Variants in PADI1 observed in about 807,000 individuals in gnomAD.
PADI1 encodes the protein peptidyl arginine deiminase 1.
A neutral mutation model predicts 74.8 loss-of-function variants in PADI1; 65 were observed. The observed-to-expected ratio is 0.87, with a 90% confidence interval of 0.71 to 1.07. The LOEUF (loss-of-function observed/expected upper bound fraction) is 1.07, where lower values mean the gene tolerates loss of function less well. Among genes scored for constraint, PADI1 ranks in the 50% least tolerant of loss-of-function variants. The pLI, the probability that PADI1 is intolerant of heterozygous loss-of-function variation, is 0.00. For synonymous variants in PADI1, 371 were observed against 336.2 expected, an observed-to-expected ratio of 1.10 and a Z score of -1.13; for missense variants, 943 against 854.0, an observed-to-expected ratio of 1.10 and a Z score of -1.30.
rs899783753 is a variant in PADI1 at position 17,243,667 on chromosome 1, C to T, written c.1759-343C>T. Among the ~76,000 whole-genome samples, 18 of 152,318 alleles carry T rather than the reference C, an allele frequency of 1.2e-4. No individual in the cohort carries two copies. The Middle Eastern group carries it at 0.01, about 86-fold the overall frequency. ...TTGTACAAGTTTCTGGCAGATGACA[C>T]GAAAATCTCTTGTTCTAACAAAGTT... is the stretch of plus-strand genomic sequence containing the variant. On this transcript the variant is annotated intron_variant, in intron 15 of 15. Transcript: ENST00000375471.
chr1:17,226,264 C>T (rs577470985), intron 6 of PADI1, 106 bp downstream of exon 6: 2 of 1,281,484 alleles, frequency 1.6e-6, no homozygotes, highest in East Asian at 2.3e-5. Flanking sequence ...ACTCTCATTA[C>T]AGCTTACAAA....
At chr1:17,223,141 G>A (rs1162252520) in intron 2 of PADI1, among the ~76,000 whole-genome samples, 1 of 152,150 alleles carries the variant, frequency 6.6e-6, no homozygotes, top group Non-Finnish European at 1.5e-5. Context: ...GCCATCCCAG[G>A]GGCTCACTGG....
chr1:17,238,003 C>T (rs1457196543), intron 12 of PADI1, among the ~76,000 whole-genome samples: 1 of 152,196 alleles, frequency 6.6e-6, no homozygotes, highest in African/African-American at 2.4e-5. Context: ...AGGGACAGCT[C>T]TGACAGTGAA....
chr1:17,216,001 C>T (rs1012125714), intron 1 of PADI1, among the ~76,000 whole-genome samples: 1 of 152,124 alleles, frequency 6.6e-6, no homozygotes, highest in Admixed American at 6.5e-5. Context: ...AGAAAGGCCT[C>T]GTATGCTACC....
intron 6 of PADI1, among the ~76,000 whole-genome samples, chr1:17,226,491 C>T (rs1203853397): frequency 1.3e-5 from 2 of 152,186 alleles, no homozygotes; most frequent in Admixed American, 6.5e-5. Context: ...GGTCAATCAG[C>T]GTGGACTGAA....
In PADI1 at chr1:17,232,970, A is replaced by G. The variant is rs777275850; in HGVS notation, c.1313A>G (p.Lys438Arg). The G allele has an allele frequency of 6.9e-6, 11 of 1,601,976 alleles. No individual in the cohort carries two copies. The South Asian group carries it at 1.0e-4, about 15-fold the overall frequency. ...ATCCTCATCGGGAGCAGCTTCCCCA[A>G]GTGAGGGGCTGGGGCGGGAGGTGGG... ...GRILIGSSFP[K>R]SGGRQMARAV... is the part of the protein sequence containing the mutation. The change falls in exon 11 of 16, where the codon AAG becomes AGG. Residue 438 changes from lysine to arginine, a missense_variant and splice_region_variant. Transcript: ENST00000375471.
chr1:17,230,235 C>G (rs757265604), intron 9 of PADI1, 27 bp downstream of exon 9: 4 of 1,605,058 alleles, frequency 2.5e-6, no homozygotes, highest in South Asian at 2.2e-5. Flanking sequence ...GCTCGGGAAG[C>G]CTGCAGCCTG....
In PADI1 at chr1:17,232,862, G is replaced by T. The variant is rs374725661; in HGVS notation, c.1205G>T (p.Gly402Val). The part of the protein sequence containing the change: ...GYVTREIPLP[G>V]PSSLDSFGNL... ...GTTACCCGGGAGATCCCGCTCCCTG[G>T]TCCCTCCAGCCTTGACTCCTTCGGC... The change falls in exon 11 of 16, where the codon GGT becomes GTT. Residue 402 changes from glycine (G) to valine (V), a missense_variant. Physicochemically the swap from Gly to Val is moderately radical, Grantham distance 109 (BLOSUM62 -3). Coordinates refer to ENST00000375471, the MANE Select transcript of PADI1 (RefSeq NM_013358.3). 2 of 1,613,246 alleles carry T rather than the reference G, an allele frequency of 1.2e-6. No individual in the cohort carries two copies. The highest frequency in any genetic ancestry group is 2.7e-5 in the African/African-American group (2 of 74,914).
chr1:17,211,136 T>G (rs1043283096), intron 1 of PADI1, among the ~76,000 whole-genome samples: 1 of 152,216 alleles, frequency 6.6e-6, no homozygotes, highest in African/African-American at 2.4e-5. Context: ...TGTCCGGGTC[T>G]GCCCACTCCT....
intron 8 of PADI1, among the ~76,000 whole-genome samples, chr1:17,229,865 G>A (rs2072436806): frequency 6.6e-6 from 1 of 152,126 alleles, no homozygotes; most frequent in African/African-American, 2.4e-5. Flanking sequence ...CCTGCCTCTG[G>A]GCACCACTGC....
At chr1:17,240,792 G>T (rs2072760263) in intron 15 of PADI1, 32 bp downstream of exon 15, 4 of 1,605,888 alleles carry the variant, frequency 2.5e-6, no homozygotes, top group Middle Eastern at 1.7e-4. Flanking sequence ...CCTGCTGGGG[G>T]GTCTGCGGGG....
chr1:17,209,794 C>T (rs879363750), intron 1 of PADI1, among the ~76,000 whole-genome samples: 5 of 152,202 alleles, frequency 3.3e-5, no homozygotes, highest in Admixed American at 3.3e-4. Flanking sequence ...TTCGGAGTGA[C>T]ATCCCTTATT....
At chr1:17,206,303 C>T (rs2071681096) in intron 1 of PADI1, among the ~76,000 whole-genome samples, 1 of 152,228 alleles carries the variant, frequency 6.6e-6, no homozygotes, top group East Asian at 1.9e-4. Flanking sequence ...GGGCCCAGGG[C>T]CAGCTGCCCA....
At position 17,240,736 on chromosome 1, in the gene PADI1, C is replaced by T. The variant is rs747045477; in HGVS notation, c.1734C>T (p.Tyr578=). ...IPQLFFLKNF[Y]AEAFFPDMVN... is the part of the protein sequence containing the mutation. ...AGCTCTTCTTCCTGAAAAACTTCTACGCGGAAGCCTTCTTCCCAGACATGG... is the reference window on the plus strand; with the variant it reads ...AGCTCTTCTTCCTGAAAAACTTCTATGCGGAAGCCTTCTTCCCAGACATGG... Residue 578 remains tyrosine, a synonymous_variant, in exon 15 of 16, where the codon TAC becomes TAT. Transcript: ENST00000375471. The T allele has an allele frequency of 3.0e-5, 48 of 1,613,950 alleles. No homozygotes were observed. The Admixed American group carries it at 3.0e-4, about 10-fold the overall frequency.
intron 11 of PADI1, among the ~76,000 whole-genome samples, chr1:17,236,173 C>T (rs1275727885): frequency 1.3e-5 from 2 of 152,174 alleles, no homozygotes; most frequent in African/African-American, 4.8e-5. Context: ...AACCAGACAA[C>T]CAAACATTCC....
In PADI1 at chr1:17,240,754, A is replaced by T. The variant is rs2072758829; in HGVS notation, c.1752A>T (p.Pro584=). The change falls in exon 15 of 16, where the codon CCA becomes CCT. Residue 584 remains proline (P), a synonymous_variant. Coordinates refer to ENST00000375471, the MANE Select transcript of PADI1 (RefSeq NM_013358.3). ...LKNFYAEAFF[P]DMVNMVVLGK... ...ACTTCTACGCGGAAGCCTTCTTCCC[A>T]GACATGGTGAGAGCCCTTGTGCAGG... The T allele has an allele frequency of 1.2e-6, 2 of 1,613,732 alleles. No homozygotes were observed. The highest frequency in any genetic ancestry group is 1.7e-6 in the Non-Finnish European group (2 of 1,179,756).
At chr1:17,216,320 T>G (rs1216098507) in intron 1 of PADI1, among the ~76,000 whole-genome samples, 1 of 151,996 alleles carries the variant, frequency 6.6e-6, no homozygotes, top group Non-Finnish European at 1.5e-5. Flanking sequence ...TGGAAGCAAC[T>G]GGTGGCTTGG....
At chr1:17,207,594 G>A (rs1404657469) in intron 1 of PADI1, among the ~76,000 whole-genome samples, 4 of 152,238 alleles carry the variant, frequency 2.6e-5, no homozygotes, top group Non-Finnish European at 5.9e-5. Flanking sequence ...GAGAGGATGG[G>A]AGGAGACGAG....
At chr1:17,224,607 C>T (rs1363101851) in intron 4 of PADI1, among the ~76,000 whole-genome samples, 179 bp downstream of exon 4, 1 of 152,312 alleles carries the variant, frequency 6.6e-6, no homozygotes, top group South Asian at 2.1e-4. Context: ...AACCTACACC[C>T]TGTAACCGAC....
Sources: allele counts gnomAD v4.1 joint callset (sites outside exome capture counted in the v4.1 genomes callset), GRCh38; gene constraint gnomAD v4.1.1; transcripts MANE v1.5; gene names NCBI Gene and HGNC (gene_info 2026-07-23, HGNC 2026-07-21).